Variants in USP53 observed in about 807,000 individuals in gnomAD.
USP53 encodes the protein ubiquitin carboxyl-terminal hydrolase 53.
Under a neutral mutation model 94.9 loss-of-function variants are expected in USP53, and 71 were observed. The observed-to-expected ratio is 0.75, with a 90% confidence interval of 0.62 to 0.91. The LOEUF (loss-of-function observed/expected upper bound fraction) is 0.91, where lower values mean the gene tolerates loss of function less well. Among genes scored for constraint, USP53 ranks in the 40% least tolerant of loss-of-function variants. The probability of loss-of-function intolerance (pLI) is 0.00; values close to 1 mark genes in which losing one functional copy is unlikely to be tolerated. For missense variants in USP53, 1,173 were observed against 1,281.0 expected, an observed-to-expected ratio of 0.92 and a Z score of 1.29; for synonymous variants, 375 against 422.7, an observed-to-expected ratio of 0.89 and a Z score of 1.39.
chr4:119,267,497 T>C lies in USP53; in HGVS notation c.1135+15T>C, dbSNP rs1350783178. On this transcript the variant is annotated intron_variant, in intron 13 of 18. Transcript: ENST00000692078. Reference sequence around the variant, plus strand: ...AGAAAATATGGGTAATTCTTTCTTTTAAAAATTCTCAATGTTTTTCTATTA... The same window carrying C: ...AGAAAATATGGGTAATTCTTTCTTTCAAAAATTCTCAATGTTTTTCTATTA... 1 of 1,600,560 alleles carries C rather than the reference T, an allele frequency of 6.2e-7. No individual in the cohort carries two copies. Among genetic ancestry groups the C allele is most frequent in the Admixed American group, 1.8e-5 (1 of 56,886 alleles).
chr4:119,255,577 G>A (rs889042734), intron 7 of USP53, among the ~76,000 whole-genome samples: 3 of 152,210 alleles, frequency 2.0e-5, no homozygotes, highest in African/African-American at 4.8e-5. Flanking sequence ...GGGAACTCCT[G>A]GTCTGCTGGT....
intron 10 of USP53, among the ~76,000 whole-genome samples, chr4:119,260,152 G>A (rs1306784290): frequency 3.3e-5 from 5 of 152,034 alleles, no homozygotes; most frequent in Admixed American, 6.6e-5. Context: ...TCAAAGTTCT[G>A]AAATTTATCA....
intron 3 of USP53, among the ~76,000 whole-genome samples, chr4:119,234,168 GC>G (rs1216447941): frequency 1.3e-5 from 2 of 152,148 alleles, no homozygotes; most frequent in Non-Finnish European, 2.9e-5. Flanking sequence ...TGGTAGCAGA[GC>G]TTTTCTGTCT....
At chr4:119,291,866 T>C (rs991555522) in intron 18 of USP53, among the ~76,000 whole-genome samples, 1 of 151,994 alleles carries the variant, frequency 6.6e-6, no homozygotes, top group Non-Finnish European at 1.5e-5. Flanking sequence ...TATAAATATA[T>C]TTGCAAAATA....
intron 18 of USP53, 74 bp from the exon 19 acceptor site, chr4:119,292,264 C>G (rs1182762970): frequency 7.1e-7 from 1 of 1,403,262 alleles, no homozygotes; most frequent in Non-Finnish European, 9.4e-7. Flanking sequence ...AACTACAAAA[C>G]AAATGTTTAT....
intron 6 of USP53, among the ~76,000 whole-genome samples, chr4:119,246,627 A>C (rs1748279433): frequency 6.6e-6 from 1 of 152,224 alleles, no homozygotes; most frequent in Non-Finnish European, 1.5e-5. Context: ...TAGATTGTGT[A>C]GGGCCTTATA....
At chr4:119,221,645 A>G (rs1744536402) in intron 3 of USP53, 3 of 152,208 alleles carry the variant, frequency 2.0e-5, no homozygotes, top group Admixed American at 2.0e-4. Flanking sequence ...CTTGCTGTAA[A>G]CGGGGAACTT....
intron 17 of USP53, among the ~76,000 whole-genome samples, chr4:119,283,931 A>G (rs1753797195): frequency 6.6e-6 from 1 of 151,894 alleles, no homozygotes; most frequent in Non-Finnish European, 1.5e-5. Context: ...AAAATTGGAG[A>G]TCGAAGGGCA....
chr4:119,263,150 AC>A (rs1436225125), intron 12 of USP53, among the ~76,000 whole-genome samples: 2 of 152,222 alleles, frequency 1.3e-5, no homozygotes, highest in Non-Finnish European at 2.9e-5. Flanking sequence ...TATTTAGTGG[AC>A]TTCTGATTCT....
At chr4:119,286,949 A>T (rs1289200878) in intron 17 of USP53, among the ~76,000 whole-genome samples, 1 of 151,982 alleles carries the variant, frequency 6.6e-6, no homozygotes, top group African/African-American at 2.4e-5. Flanking sequence ...TTCCTTCTAG[A>T]GAGACTCTGG....
intron 7 of USP53, among the ~76,000 whole-genome samples, chr4:119,255,217 C>T (rs112910998): frequency 9.2e-5 from 14 of 152,326 alleles, no homozygotes; most frequent in African/African-American, 3.1e-4. Context: ...TGTTCGTTAT[C>T]GGAGCTCAAA....
intron 17 of USP53, among the ~76,000 whole-genome samples, chr4:119,279,107 A>G (rs1753077428): frequency 6.7e-6 from 1 of 148,440 alleles, no homozygotes; most frequent in Non-Finnish European, 1.5e-5. Flanking sequence ...AGCTCGTCAA[A>G]GTCATTCTCC....
In USP53 at chr4:119,266,333, GGTAA is replaced by G. The variant is rs570415445; in HGVS notation, c.973-984_973-981del. ...TTGAAGTGGGATTTCTGGGTTGTGT[GGTAA>G]GTGTCTGTTTAACTTTACAAGAAAC... On this transcript the variant is annotated intron_variant, in intron 12 of 18. Coordinates refer to ENST00000692078, the MANE Select transcript of USP53 (RefSeq NM_001371395.1). 76 of 456,048 alleles carry G rather than the reference GGTAA, an allele frequency of 1.7e-4. 1 individual carries two copies. The highest frequency in any genetic ancestry group is 1.4e-3 in the African/African-American group (70 of 50,158). The allele number at this position is 456,048 out of a possible 1,614,324, so 28.3% of individuals were successfully genotyped here. A position where few individuals can be genotyped will look rare whatever the true frequency, so the allele number is the denominator to read the frequency against.
In USP53 at chr4:119,225,763, GA is replaced by G. The variant is rs944273123; in HGVS notation, c.-665+8099del. 3.1e-4 allele frequency among the ~76,000 whole-genome samples: 47 copies of G among 149,348 alleles called. No individual in the cohort carries two copies. The East Asian group carries it at 5.9e-3, about 19-fold the overall frequency. On this transcript the variant is annotated intron_variant, in intron 3 of 18. Coordinates refer to ENST00000692078, the MANE Select transcript of USP53 (RefSeq NM_001371395.1). ...CAAAAACAAAAACAAAACAAACAAA[GA>G]AAAAAAAATTCAGTAACAAAATCAG... is the stretch of plus-strand genomic sequence containing the variant.
At chr4:119,291,143 T>TCCCCCCCCCCCCCCA in intron 17 of USP53, 22 bp from the exon 18 acceptor site, 1 of 747,558 alleles carries the variant, frequency 1.3e-6, no homozygotes. Flanking sequence ...TCATCTCTTC[T>TCCCCCCCCCCCCCCA]CCCCACCCCA....
At position 119,292,578 on chromosome 4, in the gene USP53, G is replaced by A. The variant is rs770059866; in HGVS notation, c.2589G>A (p.Trp863Ter). ...ACAGTAATGAACCATCTTCATTATG[G>A]TCTTCACACCTAAGAACTGTTGGGT... ...RVNSNEPSSL[W>*]SSHLRTVGLK... The change falls in exon 19 of 19, where the codon TGG becomes TGA. Residue 863 changes from tryptophan to a stop codon, truncating the protein, a stop_gained. Transcript: ENST00000692078. LOFTEE classifies it low-confidence loss of function (END_TRUNC). 1.2e-6 allele frequency: 2 copies of A among 1,613,988 alleles called. No individual in the cohort carries two copies. Among genetic ancestry groups the A allele is most frequent in the South Asian group, 1.1e-5 (1 of 91,070 alleles).
At chr4:119,249,015 C>A in intron 7 of USP53, 133 bp downstream of exon 7, 15 of 1,092,958 alleles carry the variant, frequency 1.4e-5, no homozygotes, top group Non-Finnish European at 1.9e-5. Flanking sequence ...AGATCCATAT[C>A]TTACCCATCC....
intron 12 of USP53, among the ~76,000 whole-genome samples, chr4:119,262,124 A>G (rs1472602049): frequency 1.3e-5 from 2 of 152,198 alleles, no homozygotes; most frequent in Admixed American, 6.5e-5. Flanking sequence ...CAAATATGTA[A>G]CTATCAGTGA....
chr4:119,233,828 C>T (rs958429773), intron 3 of USP53, among the ~76,000 whole-genome samples: 4 of 152,074 alleles, frequency 2.6e-5, no homozygotes, highest in Non-Finnish European at 5.9e-5. Context: ...AAGTTATGAG[C>T]TAGTAATATT....
Sources: gnomAD v4.1 joint callset for allele counts (sites outside exome capture counted in the v4.1 genomes callset) on GRCh38, gnomAD v4.1.1 for gene constraint, MANE v1.5 for transcripts, NCBI Gene and HGNC (gene_info 2026-07-23, HGNC 2026-07-21) for gene names.